RIF1: variants seen among roughly 807,000 people sequenced by gnomAD.
The protein encoded by RIF1 is replication timing regulatory factor 1, also known as telomere-associated protein RIF1.
In RIF1, 45 loss-of-function variants were observed where a neutral mutation model predicts 247.1. The observed-to-expected ratio is 0.18, with a 90% CI of 0.14 to 0.23. The LOEUF (loss-of-function observed/expected upper bound fraction) is 0.23. Ranked by LOEUF, RIF1 falls within the 10% of genes least tolerant of loss-of-function variation. The pLI is 1.00. For missense variants in RIF1, 2,967 were observed against 2,862.5 expected, an observed-to-expected ratio of 1.04 and a Z score of -0.83; for synonymous variants, 1,087 against 978.8, an observed-to-expected ratio of 1.11 and a Z score of -2.06.
At chr2:151,490,172 C>A in intron 9 of RIF1, 1 of 1,209,806 alleles carries the variant, frequency 8.3e-7, no homozygotes, top group Non-Finnish European at 1.2e-6. Flanking sequence ...TTTCCCCCAA[C>A]TTAGAATGAT....
chr2:151,420,150 A>G lies in RIF1; in HGVS notation c.504-40A>G, dbSNP rs763398044. On this transcript the variant is annotated intron_variant, in intron 6 of 35. Transcript: ENST00000444746. ...TTTACTGCTTGTTTAGACTTAAAAC[A>G]TGAGGTCACGCTAATTATTCATTGA... 5 of 1,563,430 alleles carry G rather than the reference A, an allele frequency of 3.2e-6. No homozygotes were observed. The African/African-American group carries it at 5.4e-5, about 17-fold the overall frequency.
At chr2:151,445,053 C>T (rs976215218) in intron 18 of RIF1, among the ~76,000 whole-genome samples, 5 of 152,312 alleles carry the variant, frequency 3.3e-5, no homozygotes, top group Admixed American at 3.3e-4. Context: ...TCCATCTTCA[C>T]ATGGTATTGT....
In RIF1 at chr2:151,463,596, C is replaced by G. The variant is rs768398010; in HGVS notation, c.4076C>G (p.Ala1359Gly). Residue 1359 changes from alanine to glycine, a missense_variant, in exon 30 of 36, where the codon GCA (alanine) becomes GGA (glycine). Ala to Gly is a moderately conservative substitution (Grantham distance 60). Coordinates refer to ENST00000444746, the MANE Select transcript of RIF1 (RefSeq NM_018151.5). ...GAGCATGACAATACAAAGCTTAAAG[C>G]AGCAACAGTGGAAAATGCTGTATTA... ...TMEHDNTKLK[A>G]ATVENAVLLE... is the part of the protein sequence containing the mutation. 6.2e-7 allele frequency: 1 copy of G among 1,613,614 alleles called. No homozygotes were observed. Among genetic ancestry groups the G allele is most frequent in the Non-Finnish European group, 8.5e-7 (1 of 1,179,864 alleles).
intron 23 of RIF1, 90 bp from the exon 24 acceptor site, chr2:151,457,671 T>A: frequency 1.1e-6 from 1 of 918,016 alleles, no homozygotes; most frequent in South Asian, 1.6e-5. Context: ...AGTTTAAAAT[T>A]GTCTTAATTT....
chr2:151,498,224 T>TTAAG lies in RIF1; in HGVS notation c.*514-1119_*514-1116dup, dbSNP rs2061668335. On this transcript the variant is annotated intron_variant and NMD_transcript_variant, in intron 10 of 13. Coordinates refer to the RIF1 transcript ENST00000454583. ...TGTAAAGATCAGTTTAATTCTGAAG[T>TTAAG]TAAGTGGCATTTTTTCCCCTTTCTT... is the stretch of plus-strand genomic sequence containing the variant. 6 of 1,550,114 alleles carry TTAAG rather than the reference T, an allele frequency of 3.9e-6. No individual in the cohort carries two copies. The Admixed American group carries it at 9.8e-5, about 25-fold the overall frequency.
Position 151,465,911 on chromosome 2 carries a change from A to G in RIF1, c.6391A>G (p.Thr2131Ala), listed in dbSNP as rs761860541. 3 of 1,614,200 alleles carry G rather than the reference A, an allele frequency of 1.9e-6. No individual in the cohort carries two copies. Among genetic ancestry groups the G allele is most frequent in the Admixed American group, 3.3e-5 (2 of 60,032 alleles). Residue 2131 changes from threonine (T) to alanine (A), a missense_variant, in exon 30 of 36, where the codon ACA becomes GCA. Around this residue, in one of 7 missense-constraint regions of RIF1, gnomAD observed 2,028 missense variants for 1,825.6 expected, o/e 1.11. Transcript: ENST00000444746. Reference protein sequence around the residue: ...EEPSQCLASGTAISELIIEDN... With the variant: ...EEPSQCLASGAAISELIIEDN... Reference sequence around the variant, plus strand: ...ACCATCACAGTGTCTGGCATCTGGAACAGCTATCTCTGAGCTAATAATAGA... The same window carrying G: ...ACCATCACAGTGTCTGGCATCTGGAGCAGCTATCTCTGAGCTAATAATAGA...
In RIF1 at chr2:151,457,817, T is replaced by A. The variant is rs764665504; in HGVS notation, c.2709T>A (p.Thr903=). Residue 903 remains threonine, a synonymous_variant, in exon 24 of 36, where the codon ACT becomes ACA. Transcript: ENST00000444746. The part of the protein sequence containing the change: ...IACLQFSYTG[T]YDSELLEQLS... ...GTCTGCAATTCAGCTACACCGGAAC[T>A]TATGATAGTGAACTTCTTGAACAAC... 6.2e-7 allele frequency: 1 copy of A among 1,613,888 alleles called. No homozygotes were observed.
Position 151,469,826 on chromosome 2 carries a change from A to C in RIF1, c.7057A>C (p.Asn2353His). ...TCCTATCCGTTCTCCAAAAGTGTCC[A>C]ATGTAAAAAAGGCTCTCAGAATATA... ...TLPIRSPKVS[N>H]VKKALRIYHE... Residue 2353 changes from asparagine to histidine, a missense_variant, in exon 34 of 36, where the codon AAT (asparagine) becomes CAT (histidine). Asn to His is a moderately conservative substitution (Grantham distance 68). Around this residue, in one of 7 missense-constraint regions of RIF1, gnomAD observed 151 missense variants for 163.4 expected, o/e 0.92. Coordinates refer to ENST00000444746, the MANE Select transcript of RIF1 (RefSeq NM_018151.5). The C allele has an allele frequency of 1.2e-6, 2 of 1,611,092 alleles. No individual in the cohort carries two copies. The highest frequency in any genetic ancestry group is 1.7e-6 in the Non-Finnish European group (2 of 1,178,366).
the RIF1 span, among the ~76,000 whole-genome samples, chr2:151,513,279 G>C: frequency 1.3e-5 from 2 of 152,176 alleles, no homozygotes; most frequent in Non-Finnish European, 2.9e-5. Flanking sequence ...TGAGTGGACT[G>C]ACTCAGAAAT....
rs368722441 is a variant in RIF1 at position 151,440,064 on chromosome 2, T to A, written c.1584T>A (p.Thr528=). The A allele has an allele frequency of 1.3e-5, 20 of 1,598,672 alleles. No homozygotes were observed. The African/African-American group carries it at 1.9e-4, about 15-fold the overall frequency. Residue 528 remains threonine (T), a synonymous_variant, in exon 15 of 36, where the codon ACT becomes ACA. Coordinates refer to ENST00000444746, the MANE Select transcript of RIF1 (RefSeq NM_018151.5). The part of the protein sequence containing the change: ...KKEKPGSEVL[T]LLLKSLESIV... ...AGAAACCAGGTTCTGAAGTTTTGAC[T>A]CTCTTATTAAAGTCTTTGGAAAGCA...
intron 34 of RIF1, among the ~76,000 whole-genome samples, 179 bp from the exon 35 acceptor site, chr2:151,473,785 T>C (rs2048761840): frequency 6.6e-6 from 1 of 152,208 alleles, no homozygotes; most frequent in Admixed American, 6.5e-5. Context: ...TGTAATGCTT[T>C]ATTTTGTGTA....
At chr2:151,431,010 A>G (rs1690026685) in intron 9 of RIF1, among the ~76,000 whole-genome samples, 1 of 152,172 alleles carries the variant, frequency 6.6e-6, no homozygotes, top group Non-Finnish European at 1.5e-5. Context: ...GCTGGCATGT[A>G]TTTGGGTCTA....
intron 12 of RIF1, chr2:151,505,932 A>G: frequency 1.7e-6 from 1 of 577,274 alleles, no homozygotes; most frequent in Non-Finnish European, 3.1e-6. Context: ...ACCGGATTCT[A>G]CCTTCTCACA....
chr2:151,519,823 T>C, the RIF1 span: 1 of 1,202,128 alleles, frequency 8.3e-7, no homozygotes. Flanking sequence ...AATTTGGGAA[T>C]TGGGGAATAG....
At chr2:151,432,754 C>G (rs892578883) in intron 9 of RIF1, among the ~76,000 whole-genome samples, 5 of 152,216 alleles carry the variant, frequency 3.3e-5, no homozygotes, top group African/African-American at 9.6e-5. Context: ...TCTCTACTCA[C>G]TAAGATGTCA....
At chr2:151,530,844 G>A in the RIF1 span, 37 of 587,348 alleles carry the variant, frequency 6.3e-5, no homozygotes, top group African/African-American at 3.5e-4. Flanking sequence ...TCAACTTACC[G>A]AATCATGAGC....
chr2:151,517,594 G>A, the RIF1 span, among the ~76,000 whole-genome samples: 1 of 152,168 alleles, frequency 6.6e-6, no homozygotes, highest in African/African-American at 2.4e-5. Context: ...ACATCACAGA[G>A]TACACTTACA....
In RIF1 at chr2:151,456,562, A is replaced by G. The variant is rs773680629; in HGVS notation, c.2610-16A>G. On this transcript the variant is annotated splice_polypyrimidine_tract_variant and intron_variant, in intron 22 of 35. Coordinates refer to ENST00000444746, the MANE Select transcript of RIF1 (RefSeq NM_018151.5). ...CTTGCAGAAATATAAATGGTATTCT[A>G]TTTTATCCTTCCTAGGCTTGATGAA... is the stretch of plus-strand genomic sequence containing the variant. The G allele has an allele frequency of 1.4e-5, 20 of 1,437,246 alleles. No individual in the cohort carries two copies. The highest frequency in any genetic ancestry group is 3.8e-5 in the Admixed American group (2 of 52,808). 89.0% of individuals were successfully genotyped at this position (1,437,246 alleles called of 1,614,324 possible).
intron 10 of RIF1, chr2:151,497,281 A>AT (rs376283107): frequency 0.023 from 16,467 of 711,068 alleles, 57 homozygotes; most frequent in East Asian, 0.075. Flanking sequence ...TATCCATGTT[A>AT]TTTTTTTTTT....
Sources: gnomAD v4.1 joint callset for allele counts (sites outside exome capture counted in the v4.1 genomes callset) on GRCh38, gnomAD v4.1.1 for gene constraint, gnomAD v4.1.1 regional missense constraint, MANE v1.5 for transcripts, NCBI Gene and HGNC (gene_info 2026-07-23, HGNC 2026-07-21) for gene names.